The following TMEM144 variants were observed in gnomAD, a reference collection of about 807,000 sequenced individuals.
The protein encoded by TMEM144 is transmembrane protein 144.
In TMEM144, 39 loss-of-function variants were observed where a neutral mutation model predicts 43.6. The ratio of observed to expected loss-of-function variants is 0.90; its 90% CI spans 0.69 to 1.17. TMEM144 has a LOEUF of 1.17. Among genes scored for constraint, TMEM144 ranks in the 50% most tolerant of loss-of-function variants. The pLI is 0.00. For synonymous variants in TMEM144, 154 were observed against 133.6 expected, an observed-to-expected ratio of 1.15 and a Z score of -1.06; for missense variants, 417 against 411.9, an observed-to-expected ratio of 1.01 and a Z score of -0.11.
Position 158,250,826 on chromosome 4 carries a change from C to A in TMEM144, c.955-2618C>A, listed in dbSNP as rs187794175. The stretch of plus-strand genomic sequence containing the variant: ...TCCTGCTTTTATGAACCCACTCCCC[C>A]CAACAAGTCAGTCAACTCTTGCACC... On this transcript the variant is annotated intron_variant, in intron 12 of 12. Transcript: ENST00000296529. 3.5e-3 allele frequency among the ~76,000 whole-genome samples: 538 copies of A among 152,278 alleles called. 4 individuals are homozygous for A. The highest frequency in any genetic ancestry group is 0.012 in the African/African-American group (498 of 41,572).
intron 11 of TMEM144, among the ~76,000 whole-genome samples, chr4:158,241,998 T>G (rs1174312519): frequency 6.6e-6 from 1 of 152,240 alleles, no homozygotes; most frequent in Non-Finnish European, 1.5e-5. Context: ...ACAAAACTTT[T>G]ATAGTAGACA....
chr4:158,228,726 C>T (rs991139659), intron 6 of TMEM144, among the ~76,000 whole-genome samples: 1 of 152,168 alleles, frequency 6.6e-6, no homozygotes, highest in Admixed American at 6.5e-5. Flanking sequence ...CCAATCACCT[C>T]GCTTCCCGGT....
At position 158,237,448 on chromosome 4, in the gene TMEM144, G is replaced by A; in HGVS notation, c.564-77G>A. On this transcript the variant is annotated intron_variant, in intron 8 of 12. Transcript: ENST00000296529. The stretch of plus-strand genomic sequence containing the variant: ...GTTTGTGATTTGCCTTTTGAAGCAT[G>A]TTTATGATTCCATTTGTGCGTTTGT... 8.7e-6 allele frequency: 10 copies of A among 1,151,964 alleles called. 1 individual carries two copies. In the South Asian group the frequency reaches 1.3e-4, roughly 15 times the overall value. The allele number at this position is 1,151,964 out of a possible 1,614,324, so 71.4% of individuals were successfully genotyped here.
chr4:158,251,137 TTAAA>T (rs1200497892), intron 12 of TMEM144, among the ~76,000 whole-genome samples: 1 of 152,212 alleles, frequency 6.6e-6, no homozygotes, highest in Non-Finnish European at 1.5e-5. Context: ...AATAGTATTA[TTAAA>T]TAGTGTTATT....
At chr4:158,226,219 T>A (rs1734759456) in intron 6 of TMEM144, among the ~76,000 whole-genome samples, 1 of 152,254 alleles carries the variant, frequency 6.6e-6, no homozygotes, top group African/African-American at 2.4e-5. Context: ...AGCTAAATTT[T>A]ACCTTTATAT....
chr4:158,230,293 C>G (rs1344507656), intron 6 of TMEM144, among the ~76,000 whole-genome samples: 2 of 152,130 alleles, frequency 1.3e-5, no homozygotes, highest in South Asian at 4.1e-4. Context: ...CCTTCCTGAC[C>G]GTTATTATGT....
chr4:158,241,445 G>T, intron 10 of TMEM144, 64 bp from the exon 11 acceptor site: 1 of 1,201,318 alleles, frequency 8.3e-7, no homozygotes, highest in Non-Finnish European at 1.2e-6. Context: ...TCCTGTTGTA[G>T]CTCAGTGTGA....
chr4:158,250,259 G>A (rs530305424), intron 12 of TMEM144, among the ~76,000 whole-genome samples: 3 of 143,078 alleles, frequency 2.1e-5, no homozygotes, highest in East Asian at 2.0e-4. Context: ...TTAATCTTAC[G>A]AACTAATAAT....
rs76927142 is a variant in TMEM144 at position 158,252,287 on chromosome 4, A to G, written c.955-1157A>G. The stretch of plus-strand genomic sequence containing the variant: ...AGACCAGGCACCCCATACATAACTG[A>G]GCAAGTCCAACGAAGTCATTCTTCA... On this transcript the variant is annotated intron_variant, in intron 12 of 12. Coordinates refer to ENST00000296529, the MANE Select transcript of TMEM144 (RefSeq NM_018342.5). Among the ~76,000 whole-genome samples, 853 of 152,264 alleles carry G rather than the reference A, an allele frequency of 5.6e-3. 11 individuals are homozygous for G. Among genetic ancestry groups the G allele is most frequent in the African/African-American group, 0.02 (818 of 41,540 alleles).
At chr4:158,225,844 T>C (rs1201622980) in intron 6 of TMEM144, among the ~76,000 whole-genome samples, 1 of 152,234 alleles carries the variant, frequency 6.6e-6, no homozygotes, top group African/African-American at 2.4e-5. Flanking sequence ...AATTTAGTGT[T>C]GGGAGATGGA....
intron 6 of TMEM144, among the ~76,000 whole-genome samples, chr4:158,224,221 C>T (rs9998728): frequency 0.3 from 45,408 of 151,994 alleles, 7,634 homozygotes; most frequent in African/African-American, 0.46. Flanking sequence ...GGGGAAGTGT[C>T]TGTTCATATC....
intron 9 of TMEM144, among the ~76,000 whole-genome samples, chr4:158,238,057 A>T (rs2111138133): frequency 6.6e-6 from 1 of 152,342 alleles, no homozygotes; most frequent in East Asian, 1.9e-4. Flanking sequence ...TTTAAAGTAC[A>T]GAGTCATGCA....
intron 6 of TMEM144, among the ~76,000 whole-genome samples, chr4:158,222,918 T>G (rs565038410): frequency 6.6e-6 from 1 of 152,254 alleles, no homozygotes; most frequent in Non-Finnish European, 1.5e-5. Flanking sequence ...ACGGCATTCA[T>G]AGACTTTATC....
chr4:158,240,044 C>T (rs1354342020), intron 9 of TMEM144, among the ~76,000 whole-genome samples: 1 of 152,086 alleles, frequency 6.6e-6, no homozygotes, highest in Non-Finnish European at 1.5e-5. Flanking sequence ...TGCCACCACA[C>T]CTGGCTAATT....
At chr4:158,244,370 A>G in intron 12 of TMEM144, 21 bp downstream of exon 12, 1 of 1,601,492 alleles carries the variant, frequency 6.2e-7, no homozygotes, top group Non-Finnish European at 8.5e-7. Context: ...GAAAGGGCAG[A>G]CTTAGAAAAT....
intron 6 of TMEM144, among the ~76,000 whole-genome samples, chr4:158,229,026 A>G (rs1231479238): frequency 6.6e-6 from 1 of 152,098 alleles, no homozygotes; most frequent in Non-Finnish European, 1.5e-5. Context: ...GAGCCTTTCC[A>G]TACAATGTCT....
rs202038549 is a variant in TMEM144, at chr4:158,217,346, C to T, written c.258C>T (p.Ile86=). The change falls in exon 5 of 13, where the codon ATC becomes ATT. Residue 86 remains isoleucine, a synonymous_variant. Coordinates refer to ENST00000296529, the MANE Select transcript of TMEM144 (RefSeq NM_018342.5). ...GGAACATTGCTGTTGTCCCAATTAT[C>T]AAAACCATTGGTTTAGGCCTTGGAA... ...ATGNIAVVPI[I]KTIGLGLGIL... is the part of the protein sequence containing the mutation. 6.2e-7 allele frequency: 1 copy of T among 1,612,954 alleles called. No individual in the cohort carries two copies. The highest frequency in any genetic ancestry group is 2.2e-5 in the East Asian group (1 of 44,794).
At position 158,253,528 on chromosome 4, in the gene TMEM144, C is replaced by A. The variant is rs1736322211; in HGVS notation, c.*1C>A. Reference sequence around the variant, plus strand: ...ATGCACTGCTTTTTCTAAAATCTAACAATGACAAAACCAGCAGGTGGCAGC... The same window carrying A: ...ATGCACTGCTTTTTCTAAAATCTAAAAATGACAAAACCAGCAGGTGGCAGC... On this transcript the variant is annotated 3_prime_UTR_variant, in exon 13 of 13. Transcript: ENST00000296529. 1 of 1,612,578 alleles carries A rather than the reference C, an allele frequency of 6.2e-7. No individual in the cohort carries two copies.
intron 12 of TMEM144, among the ~76,000 whole-genome samples, chr4:158,245,262 G>A (rs1579150544): frequency 1.7e-5 from 1 of 59,940 alleles, no homozygotes; most frequent in South Asian, 4.5e-4. Context: ...GTGTGTGTGT[G>A]TATGTATGTT....
Sources: gnomAD v4.1 joint callset for allele counts (sites outside exome capture counted in the v4.1 genomes callset) on GRCh38, gnomAD v4.1.1 for gene constraint, MANE v1.5 for transcripts, NCBI Gene and HGNC (gene_info 2026-07-23, HGNC 2026-07-21) for gene names.